The following KDR variants were observed in gnomAD, a reference collection of about 807,000 sequenced individuals.
KDR encodes the protein kinase insert domain receptor, also known as vascular endothelial growth factor receptor 2.
In KDR, 43 loss-of-function variants were observed where a neutral mutation model predicts 160.9. The ratio of observed to expected loss-of-function variants is 0.27; its 90% CI spans 0.21 to 0.34. The LOEUF (loss-of-function observed/expected upper bound fraction) is 0.34. KDR is among the 10% of genes least tolerant of loss of function. The pLI is 1.00. For synonymous variants in KDR, 617 were observed against 600.1 expected (o/e 1.03, Z -0.41); for missense variants, 1,469 against 1,666.4 (o/e 0.88, Z 2.06).
rs1162458189 is a variant in KDR at position 55,079,242 on chromosome 4, G to C, written c.*699C>G. 1 of 233,848 alleles carries C rather than the reference G, an allele frequency of 4.3e-6. No homozygotes were observed. Among genetic ancestry groups the C allele is most frequent in the Non-Finnish European group, 8.4e-6 (1 of 118,504 alleles). The allele number at this position is 233,848 out of a possible 1,614,324, so 14.5% of individuals were successfully genotyped here. On this transcript the variant is annotated 3_prime_UTR_variant, in exon 30 of 30. Transcript: ENST00000263923. ...CCAGGAGACACGTAACGGTCTGGAA[G>C]GAACTCTCATTAGGAGTCAGAAACA... is the stretch of plus-strand genomic sequence containing the variant.
intron 13 of KDR, among the ~76,000 whole-genome samples, chr4:55,103,583 G>A (rs1720367789): frequency 6.6e-6 from 1 of 152,160 alleles, no homozygotes; most frequent in Admixed American, 6.5e-5. Flanking sequence ...TCTATGTGGT[G>A]TGACTTGAAG....
At chr4:55,089,634 A>C in intron 24 of KDR, 57 bp downstream of exon 24, 15 of 1,517,184 alleles carry the variant, frequency 9.9e-6, no homozygotes, top group Non-Finnish European at 1.4e-5. Flanking sequence ...AGAGGAAAAG[A>C]CAACTTTTGT....
chr4:55,122,558 T>C (rs1720911396), intron 1 of KDR, among the ~76,000 whole-genome samples: 1 of 152,204 alleles, frequency 6.6e-6, no homozygotes, highest in Admixed American at 6.5e-5. Context: ...GATCCCAATA[T>C]GAACAAATGC....
intron 18 of KDR, among the ~76,000 whole-genome samples, chr4:55,096,965 G>T (rs1009707905): frequency 1.1e-4 from 16 of 152,252 alleles, no homozygotes; most frequent in East Asian, 1.9e-4. Flanking sequence ...GGCCACAAGA[G>T]AAAAAAGGCA....
intron 27 of KDR, 105 bp downstream of exon 27, chr4:55,087,502 G>A: frequency 2.0e-6 from 2 of 977,830 alleles, no homozygotes; most frequent in East Asian, 2.5e-5. Flanking sequence ...ATGTGGAAGT[G>A]GGATGCAACA....
At chr4:55,107,641 G>A (rs1720477185) in intron 10 of KDR, 96 bp downstream of exon 10, 2 of 1,518,258 alleles carry the variant, frequency 1.3e-6, no homozygotes, top group Admixed American at 1.7e-5. Flanking sequence ...AACTTTTTTT[G>A]GTTTAGGCTT....
In KDR at chr4:55,081,967, A is replaced by T. The variant is rs2110005119; in HGVS notation, c.3837T>A (p.Ser1279=). 1 of 1,609,620 alleles carries T rather than the reference A, an allele frequency of 6.2e-7. No homozygotes were observed. The highest frequency in any genetic ancestry group is 8.5e-7 in the Non-Finnish European group (1 of 1,175,876). ...TGGCTGAGTCTTACCCAAAAGATGGAGATAATTTGGTTCTGTCTTCCAAAG... is the reference window on the plus strand; with the variant it reads ...TGGCTGAGTCTTACCCAAAAGATGGTGATAATTTGGTTCTGTCTTCCAAAG... ...LKTLEDRTKL[S]PSFGGMVPSK... The change falls in exon 29 of 30, where the codon TCT becomes TCA. Residue 1279 remains serine, a synonymous_variant. Transcript: ENST00000263923.
At chr4:55,121,428 T>C (rs1448132753) in intron 1 of KDR, among the ~76,000 whole-genome samples, 1 of 152,132 alleles carries the variant, frequency 6.6e-6, no homozygotes, top group Non-Finnish European at 1.5e-5. Context: ...GGAGCTAGGG[T>C]GGAGTTCCTG....
Position 55,079,872 on chromosome 4 carries a change from A to G in KDR, c.*69T>C. Reference sequence around the variant, plus strand: ...CGGCTACTTCCTGCTGGTGGAAAGAACAACACTTGAAAATCTGAGCAGCAC... The same window carrying G: ...CGGCTACTTCCTGCTGGTGGAAAGAGCAACACTTGAAAATCTGAGCAGCAC... On this transcript the variant is annotated 3_prime_UTR_variant, in exon 30 of 30. Coordinates refer to ENST00000263923, the MANE Select transcript of KDR (RefSeq NM_002253.4). The G allele has an allele frequency of 7.3e-7, 1 of 1,373,464 alleles. No homozygotes were observed. The highest frequency in any genetic ancestry group is 1.0e-6 in the Non-Finnish European group (1 of 961,500). 85.1% of individuals were successfully genotyped at this position (1,373,464 alleles called of 1,614,324 possible).
At chr4:55,114,729 T>C (rs895502677) in intron 5 of KDR, 145 bp downstream of exon 5, 2 of 725,192 alleles carry the variant, frequency 2.8e-6, no homozygotes, top group African/African-American at 1.8e-5. Context: ...TGGGTTTATT[T>C]GGTAGAGAAG....
chr4:55,117,959 T>G (rs1317804327), intron 3 of KDR, among the ~76,000 whole-genome samples: 1 of 152,174 alleles, frequency 6.6e-6, no homozygotes, highest in Non-Finnish European at 1.5e-5. Context: ...ACTATATGGA[T>G]GTTAAGTCAG....
In KDR at chr4:55,107,756, C is replaced by T. The variant is rs777827543; in HGVS notation, c.1393G>A (p.Glu465Lys). The change falls in exon 10 of 30, where the codon GAG (glutamate) becomes AAG (lysine). Residue 465 changes from glutamate to lysine, a missense_variant. Around this residue, in one of 7 missense-constraint regions of KDR, gnomAD observed 792 missense variants for 840.9 expected, o/e 0.94. Transcript: ENST00000263923. Reference protein sequence around the residue: ...HIHWYWQLEEECANEPSQAVS... With the variant: ...HIHWYWQLEEKCANEPSQAVS... ...ACTCACCTGGGCTCGTTGGCGCACT[C>T]TTCCTCCAACTGCCAATACCAGTGG... is the stretch of plus-strand genomic sequence containing the variant. 6.2e-7 allele frequency: 1 copy of T among 1,613,976 alleles called. No homozygotes were observed. The highest frequency in any genetic ancestry group is 1.7e-5 in the Admixed American group (1 of 60,010).
intron 1 of KDR, among the ~76,000 whole-genome samples, chr4:55,122,338 C>G (rs1312468138): frequency 6.6e-6 from 1 of 152,116 alleles, no homozygotes; most frequent in African/African-American, 2.4e-5. Context: ...CTAGAAAATA[C>G]CAGCTTTAAA....
intron 21 of KDR, 44 bp downstream of exon 21, chr4:55,094,757 TC>T: frequency 6.3e-7 from 1 of 1,583,406 alleles, no homozygotes; most frequent in Non-Finnish European, 8.7e-7. Context: ...CCCTGTCTGC[TC>T]TGACAAGAGC....
chr4:55,104,981 C>G lies in KDR; in HGVS notation c.1649G>C (p.Gly550Ala). ...ERVISFHVTR[G>A]PEITLQPDMQ... is the part of the protein sequence containing the mutation. Reference sequence around the variant, plus strand: ...GTCAGGTTGCAAAGTAATTTCAGGACCCCCTAAAATGAAGAGGCCATAGTT... The same window carrying G: ...GTCAGGTTGCAAAGTAATTTCAGGAGCCCCTAAAATGAAGAGGCCATAGTT... Residue 550 changes from glycine to alanine, a missense_variant, in exon 13 of 30, where the codon GGT becomes GCT. Physicochemically the swap from Gly to Ala is moderately conservative, Grantham distance 60. Transcript: ENST00000263923. 1 of 1,612,630 alleles carries G rather than the reference C, an allele frequency of 6.2e-7. No homozygotes were observed. The highest frequency in any genetic ancestry group is 8.5e-7 in the Non-Finnish European group (1 of 1,179,082).
At chr4:55,115,445 T>A in intron 3 of KDR, 34 bp from the exon 4 acceptor site, 2 of 1,144,228 alleles carry the variant, frequency 1.7e-6, no homozygotes, top group South Asian at 1.2e-5. Flanking sequence ...AATGAGTTAA[T>A]AGTATTTACT....
intron 27 of KDR, among the ~76,000 whole-genome samples, chr4:55,087,346 G>T (rs887361314): frequency 2.6e-5 from 4 of 152,214 alleles, no homozygotes; most frequent in African/African-American, 9.6e-5. Flanking sequence ...AGCAAACTGT[G>T]GCATTCCAGC....
chr4:55,101,824 G>C, intron 15 of KDR, 73 bp downstream of exon 15: 1 of 1,303,076 alleles, frequency 7.7e-7, no homozygotes, highest in Non-Finnish European at 1.1e-6. Context: ...CAAAGGACAT[G>C]ATCAGATTCC....
At chr4:55,112,904 T>A (rs550756804) in intron 7 of KDR, among the ~76,000 whole-genome samples, 2 of 152,330 alleles carry the variant, frequency 1.3e-5, no homozygotes, top group South Asian at 4.1e-4. Flanking sequence ...CCTGAGTTGC[T>A]CACAGGTCAA....
Sources: gnomAD v4.1 joint callset for allele counts (sites outside exome capture counted in the v4.1 genomes callset) on GRCh38, gnomAD v4.1.1 for gene constraint, gnomAD v4.1.1 regional missense constraint, MANE v1.5 for transcripts, NCBI Gene and HGNC (gene_info 2026-07-23, HGNC 2026-07-21) for gene names.